Variants in RGS9 observed in about 807,000 individuals in gnomAD.
RGS9 encodes the protein regulator of G-protein signalling 9.
RGS9 carries 78 observed loss-of-function variants against 102.0 expected under a neutral mutation model. That is an observed-to-expected ratio of 0.76 (90% CI 0.64 to 0.92). The LOEUF is 0.92. Ranked by LOEUF, RGS9 falls within the 40% of genes least tolerant of loss-of-function variation. RGS9 has a pLI of 0.00. For synonymous variants in RGS9, 353 were observed against 318.6 expected (o/e 1.11, Z -1.15); for missense variants, 833 against 866.1 (o/e 0.96, Z 0.48).
At position 65,170,859 on chromosome 17, in the gene RGS9, A is replaced by G. The variant is rs527988916; in HGVS notation, c.582+2578A>G. On this transcript the variant is annotated intron_variant, in intron 8 of 18. Coordinates refer to ENST00000262406, the MANE Select transcript of RGS9 (RefSeq NM_003835.4). ...TGAGGCAGGAGAGTGCAGTGGCCCC[A>G]CTCTCTGTGATTTTCTTAAAATTCT... Among the ~76,000 whole-genome samples, 5 of 151,728 alleles carry G rather than the reference A, an allele frequency of 3.3e-5. No homozygotes were observed. In the South Asian group the frequency reaches 8.4e-4, roughly 25 times the overall value.
chr17:65,175,658 C>T (rs929830487), intron 8 of RGS9, among the ~76,000 whole-genome samples: 1 of 152,144 alleles, frequency 6.6e-6, no homozygotes, highest in African/African-American at 2.4e-5. Context: ...GATCAAGATC[C>T]ACTTGTAACA....
intron 9 of RGS9, chr17:65,189,021 T>G (rs1003937179): frequency 2.6e-5 from 14 of 543,216 alleles, no homozygotes; most frequent in Non-Finnish European, 6.6e-6. Context: ...TCAAATTTAG[T>G]CCTTAATTGA....
chr17:65,139,950 C>G (rs539242579), intron 1 of RGS9, among the ~76,000 whole-genome samples: 36 of 152,194 alleles, frequency 2.4e-4, no homozygotes, highest in African/African-American at 8.2e-4. Flanking sequence ...GGGCCTGGAA[C>G]AAAAAAATGT....
At position 65,209,497 on chromosome 17, in the gene RGS9, G is replaced by A. The variant is rs74649703; in HGVS notation, c.1290-991G>A. Among the ~76,000 whole-genome samples, 925 of 152,272 alleles carry A rather than the reference G, an allele frequency of 6.1e-3. 6 individuals carry two copies. Among genetic ancestry groups the A allele is most frequent in the African/African-American group, 0.021 (884 of 41,564 alleles). On this transcript the variant is annotated intron_variant, in intron 16 of 18. Transcript: ENST00000262406. ...CTGAAGTTCTTGGCTCCAAGCTTAC[G>A]TGGGCCCTCAAAGGCAGGTGGGCTC...
At chr17:65,174,564 TGTGA>T (rs1476143567) in intron 8 of RGS9, among the ~76,000 whole-genome samples, 23 of 151,680 alleles carry the variant, frequency 1.5e-4, no homozygotes, top group African/African-American at 4.6e-4. Flanking sequence ...TGAGCATGTA[TGTGA>T]GTGTGAGTGT....
chr17:65,198,500 C>G (rs1912683531), intron 13 of RGS9, among the ~76,000 whole-genome samples: 1 of 152,196 alleles, frequency 6.6e-6, no homozygotes, highest in South Asian at 2.1e-4. Context: ...TAGTGATCCA[C>G]CTGCCTCGGC....
At chr17:65,160,185 C>T (rs1485582869) in intron 3 of RGS9, 48 bp from the exon 4 acceptor site, 5 of 1,461,894 alleles carry the variant, frequency 3.4e-6, no homozygotes, top group East Asian at 2.3e-5. Flanking sequence ...CAATGAGCTC[C>T]TGTCTCAGCC....
At chr17:65,140,137 T>A (rs1300527111) in intron 1 of RGS9, among the ~76,000 whole-genome samples, 1 of 152,224 alleles carries the variant, frequency 6.6e-6, no homozygotes, top group East Asian at 1.9e-4. Flanking sequence ...GCTAAGCGGC[T>A]TGCCAGTCAC....
chr17:65,169,396 A>G (rs901521349), intron 8 of RGS9, among the ~76,000 whole-genome samples: 2 of 152,302 alleles, frequency 1.3e-5, no homozygotes, highest in East Asian at 3.9e-4. Flanking sequence ...GGGCCGGGTG[A>G]CAGAGCACAG....
At chr17:65,153,789 A>G (rs1426079195) in intron 2 of RGS9, among the ~76,000 whole-genome samples, 5 of 151,582 alleles carry the variant, frequency 3.3e-5, no homozygotes, top group East Asian at 1.9e-4. Flanking sequence ...ACTCGGGAGG[A>G]TGAGGCAGGA....
chr17:65,158,457 A>G (rs1190414315), intron 3 of RGS9, 112 bp downstream of exon 3: 1 of 999,954 alleles, frequency 1.0e-6, no homozygotes, highest in East Asian at 2.4e-5. Context: ...TTTTAATTGG[A>G]CAGACATGAC....
At chr17:65,160,956 TA>T (rs1567865593) in intron 6 of RGS9, 47 bp downstream of exon 6, 2 of 1,485,814 alleles carry the variant, frequency 1.3e-6, no homozygotes, top group Non-Finnish European at 1.9e-6. Flanking sequence ...GAGTGGAAGA[TA>T]GTTTTGAGCT....
chr17:65,186,885 A>G (rs1021524213), intron 9 of RGS9, among the ~76,000 whole-genome samples: 5 of 152,194 alleles, frequency 3.3e-5, no homozygotes, highest in Admixed American at 6.5e-5. Context: ...CTTTGAGCAG[A>G]GGGCATAAAC....
chr17:65,198,545 T>A (rs988450121), intron 13 of RGS9, among the ~76,000 whole-genome samples: 5 of 152,228 alleles, frequency 3.3e-5, no homozygotes, highest in Non-Finnish European at 7.3e-5. Context: ...CGTGAGCCAC[T>A]GCACCAGGAC....
chr17:65,208,063 G>A (rs1913140165), intron 16 of RGS9, 56 bp downstream of exon 16: 1 of 1,233,258 alleles, frequency 8.1e-7, no homozygotes, highest in South Asian at 1.2e-5. Context: ...ACAGAGAAGT[G>A]AGGGTCTCTT....
At chr17:65,166,958 G>A (rs1434670933) in intron 7 of RGS9, among the ~76,000 whole-genome samples, 1 of 152,190 alleles carries the variant, frequency 6.6e-6, no homozygotes, top group Non-Finnish European at 1.5e-5. Flanking sequence ...GTACGTTAAC[G>A]GGGAGATGAA....
Position 65,160,633 on chromosome 17 carries a change from C to G in RGS9, c.364+46C>G, listed in dbSNP as rs751980812. On this transcript the variant is annotated intron_variant, in intron 5 of 18. Transcript: ENST00000262406. ...TATGCCTTTGGTAGTGCTTAACATG[C>G]TGCTTATTTACTTGCTGCACTTTGG... The G allele has an allele frequency of 1.1e-5, 17 of 1,592,130 alleles. No individual in the cohort carries two copies. The East Asian group carries it at 2.2e-4, about 21-fold the overall frequency.
In RGS9 at chr17:65,137,548, T is replaced by A; in HGVS notation, c.8T>A (p.Ile3Asn). 1 of 1,612,366 alleles carries A rather than the reference T, an allele frequency of 6.2e-7. No individual in the cohort carries two copies. ...ATCCATCCAGGGGCCAGGATGACAA[T>A]CCGACACCAAGGCCAGCAGTACAGG... Reference protein sequence around the residue: MTIRHQGQQYRPR... With the variant: MTNRHQGQQYRPR... The change falls in exon 1 of 19, where the codon ATC becomes AAC. Residue 3 changes from isoleucine (I) to asparagine (N), a missense_variant. By Grantham distance (149) the Ile-to-Asn change is moderately radical. This residue lies in a region of RGS9 where 328 missense variants were observed against 340.6 expected (regional missense o/e 0.96). Coordinates refer to ENST00000262406, the MANE Select transcript of RGS9 (RefSeq NM_003835.4).
chr17:65,151,126 C>T (rs1048231973), intron 1 of RGS9, among the ~76,000 whole-genome samples: 1 of 152,106 alleles, frequency 6.6e-6, no homozygotes, highest in Non-Finnish European at 1.5e-5. Context: ...AGGTGGATCA[C>T]TTGAGGTCAG....
Sources: allele counts gnomAD v4.1 joint callset (sites outside exome capture counted in the v4.1 genomes callset), GRCh38; gene constraint gnomAD v4.1.1; regional missense constraint gnomAD v4.1.1; transcripts MANE v1.5; gene names NCBI Gene and HGNC (gene_info 2026-07-23, HGNC 2026-07-21).